CYP7B1: variants seen among roughly 807,000 people sequenced by gnomAD.
CYP7B1 encodes cytochrome P450 7B1.
Under a neutral mutation model 42.7 loss-of-function variants are expected in CYP7B1, and 29 were observed. The observed-to-expected ratio is 0.68, with a 90% CI of 0.51 to 0.93. The LOEUF is 0.93. CYP7B1 is among the 40% of genes least tolerant of loss of function. The pLI is 0.00. For synonymous variants in CYP7B1, 235 were observed against 218.2 expected, an observed-to-expected ratio of 1.08 and a Z score of -0.68; for missense variants, 655 against 600.5, an observed-to-expected ratio of 1.09 and a Z score of -0.95.
intron 1 of CYP7B1, among the ~76,000 whole-genome samples, chr8:64,791,601 T>C (rs1418381950): frequency 1.3e-5 from 2 of 152,162 alleles, no homozygotes; most frequent in African/African-American, 4.8e-5. Context: ...GAATTCTTTG[T>C]GAGAGCCCCC....
In CYP7B1 at chr8:64,604,768, C is replaced by A; in HGVS notation, c.1147G>T (p.Gly383Trp). ...TCTCCCTTTCGCACACAGTAGTCCC[C>A]GGTCTCTGAACTGAGAGTCAAATCC... ...EEDLTLSSET[G>W]DYCVRKGDLV... Residue 383 changes from glycine to tryptophan, a missense_variant, in exon 5 of 6, where the codon GGG becomes TGG. Transcript: ENST00000310193. 3.1e-6 allele frequency: 5 copies of A among 1,614,094 alleles called. No homozygotes were observed. Among genetic ancestry groups the A allele is most frequent in the Non-Finnish European group, 4.2e-6 (5 of 1,180,006 alleles).
At chr8:64,624,876 G>GTCTTTTA (rs1805584726) in intron 1 of CYP7B1, among the ~76,000 whole-genome samples, 1 of 145,178 alleles carries the variant, frequency 6.9e-6, no homozygotes, top group South Asian at 2.2e-4. Context: ...CCAATATGTA[G>GTCTTTTA]TCTTTTATCC....
intron 4 of CYP7B1, among the ~76,000 whole-genome samples, chr8:64,614,410 A>G (rs1315771645): frequency 3.3e-5 from 5 of 152,098 alleles, no homozygotes; most frequent in African/African-American, 1.2e-4. Flanking sequence ...AATAGTTTGT[A>G]GTTGTTGCTT....
intron 1 of CYP7B1, among the ~76,000 whole-genome samples, chr8:64,650,460 C>A (rs1008761946): frequency 6.6e-6 from 1 of 151,982 alleles, no homozygotes; most frequent in Admixed American, 6.6e-5. Flanking sequence ...CCAGCGTGGC[C>A]AAAATGATGA....
intron 1 of CYP7B1, among the ~76,000 whole-genome samples, chr8:64,641,844 TA>T (rs961802141): frequency 1.3e-5 from 2 of 151,070 alleles, no homozygotes; most frequent in Non-Finnish European, 3.0e-5. Context: ...CTGCCACAAG[TA>T]AAAAAAAACA....
At chr8:64,622,561 A>T (rs1339662243) in intron 2 of CYP7B1, among the ~76,000 whole-genome samples, 1 of 152,240 alleles carries the variant, frequency 6.6e-6, no homozygotes, top group Non-Finnish European at 1.5e-5. Context: ...GGGCTCTGGG[A>T]GATATGCAAC....
At chr8:64,687,382 G>A (rs118090976) in intron 1 of CYP7B1, among the ~76,000 whole-genome samples, 1,974 of 152,228 alleles carry the variant, frequency 0.013, 19 homozygotes, top group Non-Finnish European at 0.021. Flanking sequence ...GCAAATGCAC[G>A]GAGAAAGTAA....
At chr8:64,720,760 T>C (rs1365223508) in intron 1 of CYP7B1, among the ~76,000 whole-genome samples, 1 of 152,162 alleles carries the variant, frequency 6.6e-6, no homozygotes, top group Non-Finnish European at 1.5e-5. Flanking sequence ...TCCCTTAAAT[T>C]ATGTAATTGT....
intron 1 of CYP7B1, among the ~76,000 whole-genome samples, chr8:64,671,828 G>T (rs1204473626): frequency 2.0e-5 from 3 of 152,122 alleles, no homozygotes; most frequent in African/African-American, 7.2e-5. Flanking sequence ...AAAGATGCAA[G>T]GTTCTCCTAT....
intron 4 of CYP7B1, among the ~76,000 whole-genome samples, chr8:64,609,691 A>G (rs984384046): frequency 1.3e-5 from 2 of 152,148 alleles, no homozygotes; most frequent in East Asian, 1.9e-4. Context: ...TTCTATTACT[A>G]TTTCCTGGGA....
At chr8:64,598,496 G>A (rs1456023173) in intron 5 of CYP7B1, among the ~76,000 whole-genome samples, 1 of 152,100 alleles carries the variant, frequency 6.6e-6, no homozygotes, top group Non-Finnish European at 1.5e-5. Context: ...GCTTTGCTAT[G>A]GTATGATTTA....
At chr8:64,701,321 C>T (rs781065042) in intron 1 of CYP7B1, among the ~76,000 whole-genome samples, 4 of 152,010 alleles carry the variant, frequency 2.6e-5, no homozygotes, top group Non-Finnish European at 5.9e-5. Context: ...AGATCATGCC[C>T]GTAATGCATT....
intron 1 of CYP7B1, among the ~76,000 whole-genome samples, chr8:64,770,849 G>T (rs561772833): frequency 1.3e-5 from 2 of 152,138 alleles, no homozygotes; most frequent in South Asian, 4.1e-4. Flanking sequence ...TATCCCAGTA[G>T]CATGCAGAGA....
intron 1 of CYP7B1, among the ~76,000 whole-genome samples, chr8:64,793,601 A>G (rs1804657439): frequency 6.6e-6 from 1 of 152,180 alleles, no homozygotes; most frequent in Non-Finnish European, 1.5e-5. Flanking sequence ...GATGAACTGC[A>G]TTTCGTAACA....
chr8:64,756,580 G>C (rs548978705), intron 1 of CYP7B1, among the ~76,000 whole-genome samples: 5 of 152,296 alleles, frequency 3.3e-5, no homozygotes, highest in East Asian at 1.9e-4. Context: ...AAAGAACAAG[G>C]CACGGCGAGA....
At chr8:64,674,190 T>G (rs1422161350) in intron 1 of CYP7B1, among the ~76,000 whole-genome samples, 1 of 152,112 alleles carries the variant, frequency 6.6e-6, no homozygotes, top group Non-Finnish European at 1.5e-5. Flanking sequence ...ATTAAAGCAA[T>G]GGAATTTTTG....
At chr8:64,606,445 C>T (rs898170547) in intron 4 of CYP7B1, among the ~76,000 whole-genome samples, 1 of 152,178 alleles carries the variant, frequency 6.6e-6, no homozygotes, top group Non-Finnish European at 1.5e-5. Flanking sequence ...TGTAGCAATG[C>T]TATTCACTCA....
chr8:64,645,825 C>T (rs1480333791), intron 1 of CYP7B1, among the ~76,000 whole-genome samples: 1 of 151,526 alleles, frequency 6.6e-6, no homozygotes, highest in Non-Finnish European at 1.5e-5. Context: ...AACCAAAACA[C>T]CATGGTACTG....
At chr8:64,618,786 T>G (rs1287181813) in intron 2 of CYP7B1, among the ~76,000 whole-genome samples, 1 of 152,178 alleles carries the variant, frequency 6.6e-6, no homozygotes, top group African/African-American at 2.4e-5. Flanking sequence ...TATAAGCAGT[T>G]GTTTGTATAT....
Sources: gnomAD v4.1 joint callset for allele counts (sites outside exome capture counted in the v4.1 genomes callset) on GRCh38, gnomAD v4.1.1 for gene constraint, MANE v1.5 for transcripts, NCBI Gene and HGNC (gene_info 2026-07-23, HGNC 2026-07-21) for gene names.